NRXN3: variants seen among roughly 807,000 people sequenced by gnomAD.
NRXN3 encodes the protein neurexin 3.
Under a neutral mutation model 137.6 loss-of-function variants are expected in NRXN3, and 32 were observed. The observed-to-expected ratio is 0.23, with a 90% CI of 0.18 to 0.31. The LOEUF (loss-of-function observed/expected upper bound fraction) is 0.31, where lower values mean the gene tolerates loss of function less well. Ranked by LOEUF, NRXN3 falls within the 10% of genes least tolerant of loss-of-function variation. The pLI is 1.00. For missense variants in NRXN3, 1,574 were observed against 2,062.5 expected, an observed-to-expected ratio of 0.76 and a Z score of 4.59; for synonymous variants, 798 against 784.5, an observed-to-expected ratio of 1.02 and a Z score of -0.29.
intron 19 of NRXN3, among the ~76,000 whole-genome samples, chr14:79,756,572 G>A (rs552191028): frequency 6.6e-6 from 1 of 152,198 alleles, no homozygotes; most frequent in African/African-American, 2.4e-5. Flanking sequence ...TCCAACCAGA[G>A]AACGAAATAT....
At chr14:78,173,722 T>TTTTTTTTTTTTTTTTTTTTCTTTC in intron 1 of NRXN3, among the ~76,000 whole-genome samples, 1 of 142,472 alleles carries the variant, frequency 7.0e-6, no homozygotes, top group Admixed American at 7.0e-5. Context: ...TTTTTTTTTT[T>TTTTTTTTTTTTTTTTTTTTCTTTC]TTGCAACACA....
At chr14:79,485,024 A>G (rs1189336357) in intron 16 of NRXN3, among the ~76,000 whole-genome samples, 1 of 152,118 alleles carries the variant, frequency 6.6e-6, no homozygotes, top group Non-Finnish European at 1.5e-5. Context: ...CTTAAAATAC[A>G]TTACCTATAA....
At chr14:79,659,771 C>T (rs2098524272) in intron 16 of NRXN3, among the ~76,000 whole-genome samples, 1 of 152,098 alleles carries the variant, frequency 6.6e-6, no homozygotes, top group African/African-American at 2.4e-5. Context: ...GTAAAATAAC[C>T]AGACCAGGGT....
chr14:78,482,517 G>A lies in NRXN3; in HGVS notation c.758-162603G>A, dbSNP rs185538429. 1.1e-4 allele frequency among the ~76,000 whole-genome samples: 17 copies of A among 152,240 alleles called. No homozygotes were observed. The East Asian group carries it at 2.7e-3, about 24-fold the overall frequency. ...TCTTGAAATGCAGTCAGGACGTAGC[G>A]GTGCTGAGCCCATTATAAGACCTCA... On this transcript the variant is annotated intron_variant, in intron 4 of 20. Transcript: ENST00000335750.
chr14:79,191,032 G>C (rs1292268117), intron 15 of NRXN3, among the ~76,000 whole-genome samples: 1 of 152,096 alleles, frequency 6.6e-6, no homozygotes, highest in African/African-American at 2.4e-5. Context: ...CCTTGGTTAT[G>C]GTAACTAAAA....
chr14:79,154,552 C>T (rs372992422), intron 15 of NRXN3, among the ~76,000 whole-genome samples: 1 of 151,942 alleles, frequency 6.6e-6, no homozygotes, highest in South Asian at 2.1e-4. Context: ...TTATGGTAAG[C>T]TTATTCACAC....
At position 79,765,520 on chromosome 14, in the gene NRXN3, T is replaced by C. The variant is rs150896241; in HGVS notation, c.4015-39592T>C. Among the ~76,000 whole-genome samples, 1,458 of 152,330 alleles carry C rather than the reference T, an allele frequency of 9.6e-3. 21 individuals carry two copies. Among genetic ancestry groups the C allele is most frequent in the African/African-American group, 0.033 (1,380 of 41,576 alleles). On this transcript the variant is annotated intron_variant, in intron 19 of 20. Transcript: ENST00000335750. ...GTGGTAATATCTCATTTGTGGGAAC[T>C]TCTGTGACACTATTAGGGGACAGAT...
chr14:79,536,261 A>C (rs1412725105), intron 16 of NRXN3, among the ~76,000 whole-genome samples: 1 of 152,066 alleles, frequency 6.6e-6, no homozygotes, highest in Admixed American at 6.6e-5. Flanking sequence ...AGCATGGAAA[A>C]CCATAAGTAC....
In NRXN3 at chr14:79,862,075, G is replaced by A. The variant is rs1483820544; in HGVS notation, c.*111G>A. 1.1e-6 allele frequency: 1 copy of A among 943,212 alleles called. No individual in the cohort carries two copies. The highest frequency in any genetic ancestry group is 1.7e-5 in the African/African-American group (1 of 60,130). The allele number at this position is 943,212 out of a possible 1,614,324, so 58.4% of individuals were successfully genotyped here. A position where few individuals can be genotyped will look rare whatever the true frequency, so the allele number is the denominator to read the frequency against. ...TCAGAACTGCTGGAACTATGAAATG[G>A]GGTATATAACCACGACTCTGGTGGG... On this transcript the variant is annotated 3_prime_UTR_variant, in exon 21 of 21. Transcript: ENST00000335750.
At chr14:79,037,764 C>T (rs1340272994) in intron 15 of NRXN3, among the ~76,000 whole-genome samples, 4 of 152,134 alleles carry the variant, frequency 2.6e-5, no homozygotes, top group South Asian at 4.2e-4. Context: ...GTCCGCCTGA[C>T]GGGAGATGAA....
intron 20 of NRXN3, among the ~76,000 whole-genome samples, chr14:79,806,944 A>ATG (rs2099208537): frequency 2.0e-5 from 1 of 49,904 alleles, no homozygotes; most frequent in South Asian, 1.1e-3. Context: ...AATTTTATAT[A>ATG]TATATATATA....
At position 79,226,972 on chromosome 14, in the gene NRXN3, C is replaced by A. The variant is rs2071014783; in HGVS notation, c.3262+238831C>A. On this transcript the variant is annotated intron_variant, in intron 15 of 20. Transcript: ENST00000335750. ...AATAGCTAGGATTACAGGCATGCAC[C>A]ACCACACCCAGCTAATTTTTGTATT... Among the ~76,000 whole-genome samples the A allele has an allele frequency of 2.0e-5, 3 of 151,590 alleles. No individual in the cohort carries two copies. In the South Asian group the frequency reaches 6.3e-4, roughly 32 times the overall value.
intron 1 of NRXN3, among the ~76,000 whole-genome samples, chr14:78,199,636 A>G (rs1345206393): frequency 2.6e-5 from 4 of 152,152 alleles, no homozygotes; most frequent in Admixed American, 2.6e-4. Flanking sequence ...ACCCCATGCC[A>G]AGCTCTCAAT....
chr14:79,742,584 C>T (rs1214261476), intron 19 of NRXN3, among the ~76,000 whole-genome samples: 1 of 152,120 alleles, frequency 6.6e-6, no homozygotes, highest in Non-Finnish European at 1.5e-5. Context: ...TTTAAAATTT[C>T]TAGCTAATTG....
At chr14:78,529,124 A>G (rs2096423781) in intron 4 of NRXN3, among the ~76,000 whole-genome samples, 1 of 152,204 alleles carries the variant, frequency 6.6e-6, no homozygotes, top group African/African-American at 2.4e-5. Flanking sequence ...TTGTAACCTC[A>G]TAATAGAGCC....
chr14:79,032,313 T>G (rs1568052193), intron 15 of NRXN3, among the ~76,000 whole-genome samples: 1 of 152,170 alleles, frequency 6.6e-6, no homozygotes, highest in African/African-American at 2.4e-5. Flanking sequence ...TTATTAAACA[T>G]TTACCTCTAT....
chr14:78,644,728 AC>A (rs1200536217), intron 4 of NRXN3, among the ~76,000 whole-genome samples: 1 of 152,216 alleles, frequency 6.6e-6, no homozygotes, highest in East Asian at 1.9e-4. Context: ...CTTTGTCAGA[AC>A]AGTTAATTAT....
At chr14:79,653,249 C>T (rs1341945242) in intron 16 of NRXN3, among the ~76,000 whole-genome samples, 1 of 152,112 alleles carries the variant, frequency 6.6e-6, no homozygotes, top group Non-Finnish European at 1.5e-5. Context: ...TCAAGTGACT[C>T]AAGTATTTTG....
chr14:78,863,554 C>T (rs886887384), intron 10 of NRXN3, among the ~76,000 whole-genome samples: 1 of 152,086 alleles, frequency 6.6e-6, no homozygotes, highest in Non-Finnish European at 1.5e-5. Context: ...CATTCTTCAA[C>T]CCATGTTTAG....
Sources: allele counts gnomAD v4.1 joint callset (sites outside exome capture counted in the v4.1 genomes callset), GRCh38; gene constraint gnomAD v4.1.1; transcripts MANE v1.5; gene names NCBI Gene and HGNC (gene_info 2026-07-23, HGNC 2026-07-21).